ZFHX3: variants seen among roughly 807,000 people sequenced by gnomAD.
The protein encoded by ZFHX3 is zinc finger homeobox 3, also known as zinc finger homeobox protein 3.
A neutral mutation model predicts 279.1 loss-of-function variants in ZFHX3; 42 were observed. The observed-to-expected ratio is 0.15, with a 90% CI of 0.12 to 0.19. The LOEUF (loss-of-function observed/expected upper bound fraction) is 0.19. Among genes scored for constraint, ZFHX3 ranks in the 10% least tolerant of loss-of-function variants. ZFHX3 has a pLI of 1.00. For missense variants in ZFHX3, 4,981 were observed against 4,754.0 expected (o/e 1.05, Z -1.40); for synonymous variants, 2,293 against 1,957.8 (o/e 1.17, Z -4.52).
intron 3 of ZFHX3, among the ~76,000 whole-genome samples, chr16:73,331,275 A>G (rs1463934685): frequency 2.0e-5 from 3 of 152,210 alleles, no homozygotes; most frequent in Non-Finnish European, 2.9e-5. Flanking sequence ...ACCTCCCATG[A>G]CGTCCCTCCC....
intron 2 of ZFHX3, among the ~76,000 whole-genome samples, chr16:73,492,555 T>G (rs559422893): frequency 1.3e-5 from 2 of 152,232 alleles, no homozygotes; most frequent in South Asian, 4.1e-4. Context: ...CAAACCCAGG[T>G]CTTCCTGCAT....
At chr16:72,887,695 G>A (rs1052912787) in intron 4 of ZFHX3, among the ~76,000 whole-genome samples, 3 of 149,500 alleles carry the variant, frequency 2.0e-5, no homozygotes, top group African/African-American at 7.4e-5. Context: ...GGGGGGTGCA[G>A]TGTATGTGGG....
At chr16:73,128,258 T>C (rs1966607586) in intron 7 of ZFHX3, among the ~76,000 whole-genome samples, 1 of 152,202 alleles carries the variant, frequency 6.6e-6, no homozygotes, top group Non-Finnish European at 1.5e-5. Context: ...TCCACCCAAA[T>C]CTTGTTTTAT....
At chr16:72,975,471 A>G (rs761670760) in intron 1 of ZFHX3, among the ~76,000 whole-genome samples, 3 of 152,046 alleles carry the variant, frequency 2.0e-5, no homozygotes, top group Non-Finnish European at 4.4e-5. Context: ...CAATCAGGAG[A>G]GAGGGGTGTA....
chr16:73,544,622 G>A (rs377406202), intron 2 of ZFHX3, among the ~76,000 whole-genome samples: 23 of 152,308 alleles, frequency 1.5e-4, no homozygotes, highest in African/African-American at 5.3e-4. Flanking sequence ...GCAAGGGGAT[G>A]TTGACGATCC....
chr16:73,010,929 C>G (rs146276057), intron 1 of ZFHX3, among the ~76,000 whole-genome samples: 1 of 152,162 alleles, frequency 6.6e-6, no homozygotes, highest in Non-Finnish European at 1.5e-5. Context: ...GTCTACCTCC[C>G]GAGTAGCTAG....
chr16:72,875,962 T>A (rs2038300562), intron 4 of ZFHX3, among the ~76,000 whole-genome samples: 1 of 152,200 alleles, frequency 6.6e-6, no homozygotes, highest in Non-Finnish European at 1.5e-5. Context: ...TTTTGACAAT[T>A]GAATTAATGT....
Position 72,958,976 on chromosome 16 carries a change from G to A in ZFHX3, c.1170C>T (p.Pro390=), listed in dbSNP as rs1043553309. The change falls in exon 2 of 10, where the codon CCC becomes CCT. Residue 390 remains proline, a synonymous_variant. Transcript: ENST00000268489. ...TGCTGGGGGTCAAGAGACCAGCCTGGGGCTGCTCGGGGCCAGCGGCGGAGC... is the reference window on the plus strand; with the variant it reads ...TGCTGGGGGTCAAGAGACCAGCCTGAGGCTGCTCGGGGCCAGCGGCGGAGC... ...PAGSAAGPEQ[P]QAGLLTPSTL... is the part of the protein sequence containing the mutation. The A allele has an allele frequency of 2.5e-6, 4 of 1,604,146 alleles. No homozygotes were observed. The highest frequency in any genetic ancestry group is 3.4e-6 in the Non-Finnish European group (4 of 1,175,622).
intron 6 of ZFHX3, chr16:73,137,346 G>C (rs1321422048): frequency 6.6e-6 from 1 of 152,056 alleles, no homozygotes; most frequent in East Asian, 1.9e-4. Flanking sequence ...ACCGCAGCTT[G>C]GAATATGGAA....
At chr16:73,837,529 A>T (rs72803172) in intron 1 of ZFHX3, among the ~76,000 whole-genome samples, 1,585 of 152,350 alleles carry the variant, frequency 0.01, 34 homozygotes, top group Non-Finnish European at 0.012. Flanking sequence ...AGAGCTATGC[A>T]TGCCCATGCT....
chr16:73,395,789 G>A lies in ZFHX3; in HGVS notation c.-1291+60214C>T, dbSNP rs531089180. On this transcript the variant is annotated intron_variant, in intron 3 of 17. Coordinates refer to the ZFHX3 transcript ENST00000641206. ...AGGTGCTTGGAACAGGGGCCCTGAT[G>A]TGTAAAACTCCCCAGGGATGGTATA... Among the ~76,000 whole-genome samples the A allele has an allele frequency of 2.3e-4, 35 of 152,160 alleles. 1 individual carries two copies. The South Asian group carries it at 7.1e-3, about 31-fold the overall frequency.
chr16:73,055,679 CG>C lies in ZFHX3; in HGVS notation c.-24+2850del, dbSNP rs1362721244. 5.2e-3 allele frequency among the ~76,000 whole-genome samples: 413 copies of C among 79,740 alleles called. 2 individuals carry two copies. The highest frequency in any genetic ancestry group is 0.012 in the South Asian group (33 of 2,792). The allele number at this position is 79,740 out of a possible 152,430, so 52.3% of individuals were successfully genotyped here. A position where few individuals can be genotyped will look rare whatever the true frequency, so the allele number is the denominator to read the frequency against. Reference sequence around the variant, plus strand: ...AAGACACCCACACGGTGCAGACGTACGCGCGCGCGCGCGCGCGCGCACACAC... The same window carrying C: ...AAGACACCCACACGGTGCAGACGTACCGCGCGCGCGCGCGCGCGCACACAC... On this transcript the variant is annotated intron_variant, in intron 1 of 8. Transcript: ENST00000397992.
chr16:73,435,889 G>A (rs970153338), intron 3 of ZFHX3, among the ~76,000 whole-genome samples: 1 of 152,194 alleles, frequency 6.6e-6, no homozygotes, highest in African/African-American at 2.4e-5. Flanking sequence ...CATCCTGCCT[G>A]GTGTCTGCAC....
intron 4 of ZFHX3, among the ~76,000 whole-genome samples, chr16:73,269,854 T>TTC (rs1567435750): frequency 1.3e-5 from 2 of 152,068 alleles, no homozygotes; most frequent in Non-Finnish European, 1.5e-5. Flanking sequence ...GTTCAAGCGA[T>TTC]TCTCCTGCCT....
At chr16:72,923,776 G>A (rs1381658304) in intron 3 of ZFHX3, among the ~76,000 whole-genome samples, 7 of 152,028 alleles carry the variant, frequency 4.6e-5, no homozygotes, top group Admixed American at 1.3e-4. Flanking sequence ...AAAAGCTAAG[G>A]AAATCAGCAC....
chr16:73,498,002 C>T (rs1038005564), intron 2 of ZFHX3, among the ~76,000 whole-genome samples: 5 of 152,202 alleles, frequency 3.3e-5, no homozygotes, highest in Admixed American at 2.0e-4. Flanking sequence ...GCAGCCACTT[C>T]TCTGCAAACT....
At chr16:73,024,912 T>C (rs1056935561) in intron 1 of ZFHX3, among the ~76,000 whole-genome samples, 7 of 152,084 alleles carry the variant, frequency 4.6e-5, no homozygotes, top group Non-Finnish European at 1.0e-4. Flanking sequence ...CCCTGCACCT[T>C]GTATGGGAAG....
intron 1 of ZFHX3, among the ~76,000 whole-genome samples, chr16:73,787,321 C>T (rs1290046417): frequency 1.3e-5 from 2 of 152,178 alleles, no homozygotes; most frequent in East Asian, 1.9e-4. Context: ...CAATAAAGCA[C>T]CAGACACACT....
upstream of ZFHX3, among the ~76,000 whole-genome samples, chr16:73,051,828 TA>T (rs776422392): frequency 3.8e-4 from 58 of 152,118 alleles, no homozygotes; most frequent in Admixed American, 2.4e-3. Context: ...CCTTCTTTTT[TA>T]AACAAAAATA....
Sources: allele counts gnomAD v4.1 joint callset (sites outside exome capture counted in the v4.1 genomes callset), GRCh38; gene constraint gnomAD v4.1.1; transcripts MANE v1.5; gene names NCBI Gene and HGNC (gene_info 2026-07-23, HGNC 2026-07-21).